The following ADAMTSL3 variants were observed in gnomAD, a reference collection of about 807,000 sequenced individuals.
The protein encoded by ADAMTSL3 is ADAMTS-like protein 3.
ADAMTSL3 carries 128 observed loss-of-function variants against 201.7 expected under a neutral mutation model. That is an observed-to-expected ratio of 0.63 (90% confidence interval 0.55 to 0.73). The LOEUF (loss-of-function observed/expected upper bound fraction) is 0.73, where lower values mean the gene tolerates loss of function less well. ADAMTSL3 is among the 30% of genes least tolerant of loss of function. ADAMTSL3 has a pLI of 0.00. For synonymous variants in ADAMTSL3, 738 were observed against 748.4 expected, an observed-to-expected ratio of 0.99 and a Z score of 0.23; for missense variants, 1,990 against 2,119.6, an observed-to-expected ratio of 0.94 and a Z score of 1.20.
intron 2 of ADAMTSL3, among the ~76,000 whole-genome samples, chr15:83,692,414 G>A (rs763647752): frequency 1.3e-5 from 2 of 151,848 alleles, no homozygotes; most frequent in South Asian, 4.2e-4. Flanking sequence ...GGCTGGGCAC[G>A]GTGGCTCACA....
At chr15:83,904,293 C>T (rs917358529) in intron 15 of ADAMTSL3, among the ~76,000 whole-genome samples, 2 of 151,976 alleles carry the variant, frequency 1.3e-5, no homozygotes, top group African/African-American at 4.8e-5. Flanking sequence ...TTTATATTTT[C>T]CTGCCACCAC....
intron 29 of ADAMTSL3, 32 bp downstream of exon 29, chr15:84,037,019 C>G (rs780935685): frequency 1.9e-6 from 3 of 1,603,946 alleles, no homozygotes; most frequent in Non-Finnish European, 2.6e-6. Context: ...CTCCACTGCC[C>G]CAGAGGCCTT....
In ADAMTSL3 at chr15:83,982,992, T is replaced by C. The variant is rs766328467; in HGVS notation, c.3364T>C (p.Tyr1122His). 8 of 1,614,022 alleles carry C rather than the reference T, an allele frequency of 5.0e-6. No homozygotes were observed. The highest frequency in any genetic ancestry group is 1.6e-4 in the Middle Eastern group (1 of 6,084). Reference protein sequence around the residue: ...VSDDLASQLIYQLVAELAKAQ... With the variant: ...VSDDLASQLIHQLVAELAKAQ... Reference sequence around the variant, plus strand: ...CGATGATCTTGCGTCCCAGCTGATATATCAGCTGGTGGCCGAATTAGCCAA... The same window carrying C: ...CGATGATCTTGCGTCCCAGCTGATACATCAGCTGGTGGCCGAATTAGCCAA... The change falls in exon 21 of 30, where the codon TAT becomes CAT. Residue 1122 changes from tyrosine (Y) to histidine (H), a missense_variant. Coordinates refer to ENST00000286744, the MANE Select transcript of ADAMTSL3 (RefSeq NM_207517.3).
intron 2 of ADAMTSL3, among the ~76,000 whole-genome samples, chr15:83,666,844 A>C (rs1379887654): frequency 6.6e-6 from 1 of 151,550 alleles, no homozygotes; most frequent in African/African-American, 2.4e-5. Flanking sequence ...CCCTGTCTCA[A>C]GAAAAAAAAA....
intron 27 of ADAMTSL3, among the ~76,000 whole-genome samples, chr15:84,026,347 A>T (rs1372377135): frequency 6.6e-6 from 1 of 152,232 alleles, no homozygotes; most frequent in Non-Finnish European, 1.5e-5. Context: ...AAGCTGTAAG[A>T]CTTATTATTA....
chr15:83,685,688 A>G (rs2061526370), intron 2 of ADAMTSL3, among the ~76,000 whole-genome samples: 3 of 152,182 alleles, frequency 2.0e-5, no homozygotes, highest in Admixed American at 6.5e-5. Context: ...TCTAACTGTT[A>G]TATTAGACAG....
intron 2 of ADAMTSL3, among the ~76,000 whole-genome samples, chr15:83,675,950 TG>T (rs1362612862): frequency 6.6e-6 from 1 of 152,174 alleles, no homozygotes; most frequent in Non-Finnish European, 1.5e-5. Context: ...ATTTCATTCC[TG>T]ATATTTGAAG....
chr15:83,970,378 C>T, intron 19 of ADAMTSL3, 106 bp from the exon 20 acceptor site: 1 of 1,327,552 alleles, frequency 7.5e-7, no homozygotes, highest in Non-Finnish European at 1.1e-6. Flanking sequence ...CTTGGCACAT[C>T]CGTACTGAAA....
intron 3 of ADAMTSL3, among the ~76,000 whole-genome samples, chr15:83,734,436 G>A (rs2062336725): frequency 6.6e-6 from 1 of 152,162 alleles, no homozygotes; most frequent in African/African-American, 2.4e-5. Context: ...TTGTCACTGT[G>A]TTGCTATTGG....
At chr15:84,001,460 A>C (rs934647833) in intron 23 of ADAMTSL3, among the ~76,000 whole-genome samples, 1 of 152,238 alleles carries the variant, frequency 6.6e-6, no homozygotes, top group Non-Finnish European at 1.5e-5. Context: ...AAGGAAGCAA[A>C]CTCAGATACA....
chr15:84,005,361 C>G (rs1341879633), intron 23 of ADAMTSL3, among the ~76,000 whole-genome samples: 1 of 152,192 alleles, frequency 6.6e-6, no homozygotes, highest in African/African-American at 2.4e-5. Flanking sequence ...TCAGGAATGT[C>G]CATGGTTCTC....
At chr15:84,033,623 T>C (rs1335672961) in intron 28 of ADAMTSL3, among the ~76,000 whole-genome samples, 1 of 152,054 alleles carries the variant, frequency 6.6e-6, no homozygotes, top group East Asian at 1.9e-4. Flanking sequence ...CACACCACTG[T>C]ACTCCAGCCT....
At chr15:83,988,951 G>A (rs2067535071) in intron 22 of ADAMTSL3, 133 bp downstream of exon 22, 2 of 461,112 alleles carry the variant, frequency 4.3e-6, no homozygotes, top group Non-Finnish European at 5.8e-6. Context: ...GCGTGATCTC[G>A]GCTCACTGTA....
At chr15:83,822,347 C>T (rs2063894767) in intron 6 of ADAMTSL3, among the ~76,000 whole-genome samples, 1 of 148,620 alleles carries the variant, frequency 6.7e-6, no homozygotes. Flanking sequence ...AGGGGCTCCT[C>T]ACTTCTCAGA....
intron 5 of ADAMTSL3, among the ~76,000 whole-genome samples, chr15:83,808,478 A>T (rs528973211): frequency 6.6e-6 from 1 of 152,316 alleles, no homozygotes; most frequent in South Asian, 2.1e-4. Context: ...GACAAAAGAC[A>T]CAAGTGTTCC....
Position 83,942,653 on chromosome 15 carries a change from C to T in ADAMTSL3, c.2175C>T (p.Thr725=), listed in dbSNP as rs757307823. 3 of 1,613,998 alleles carry T rather than the reference C, an allele frequency of 1.9e-6. No individual in the cohort carries two copies. Among genetic ancestry groups the T allele is most frequent in the Non-Finnish European group, 2.5e-6 (3 of 1,179,968 alleles). The change falls in exon 18 of 30, where the codon ACC becomes ACT. Residue 725 remains threonine, a synonymous_variant. Coordinates refer to ENST00000286744, the MANE Select transcript of ADAMTSL3 (RefSeq NM_207517.3). ...CSATCGVGIQ[T]RDVYCLHPGE... ...CTACCTGTGGAGTTGGAATTCAGAC[C>T]CGAGATGTGTACTGCCTGCACCCAG...
rs964129084 is a variant in ADAMTSL3 at position 83,667,621 on chromosome 15, T to C, written c.69+11791T>C. 6.6e-5 allele frequency among the ~76,000 whole-genome samples: 10 copies of C among 151,652 alleles called. No individual in the cohort carries two copies. In the East Asian group the frequency reaches 1.9e-3, roughly 29 times the overall value. The stretch of plus-strand genomic sequence containing the variant: ...CTTGGATTCTGAGCAGGACAGAGAT[T>C]TCTGTAAGGATGTCCTATGTAATAA... On this transcript the variant is annotated intron_variant, in intron 2 of 29. Transcript: ENST00000286744.
intron 2 of ADAMTSL3, among the ~76,000 whole-genome samples, chr15:83,695,227 AATGTGTGTGTGTGTGTGTGTGTGTGTG>A (rs2061668096): frequency 2.1e-3 from 1 of 470 alleles, no homozygotes; most frequent in Non-Finnish European, 4.1e-3. Flanking sequence ...GTGTGTGTGT[AATGTGTGTGTGTGTGTGTGTGTGTGTG>A]TGTGTGTGGT....
chr15:83,687,198 T>C (rs1321308854), intron 2 of ADAMTSL3, among the ~76,000 whole-genome samples: 1 of 152,194 alleles, frequency 6.6e-6, no homozygotes, highest in Admixed American at 6.5e-5. Context: ...AGTGAAACTC[T>C]ATCTCTAAAA....
Sources: gnomAD v4.1 joint callset for allele counts (sites outside exome capture counted in the v4.1 genomes callset) on GRCh38, gnomAD v4.1.1 for gene constraint, MANE v1.5 for transcripts, NCBI Gene and HGNC (gene_info 2026-07-23, HGNC 2026-07-21) for gene names.